The following FHOD3 variants were observed in gnomAD, a reference collection of about 807,000 sequenced individuals.
The protein encoded by FHOD3 is FH1/FH2 domain-containing protein 3.
FHOD3 carries 90 observed loss-of-function variants against 173.0 expected under a neutral mutation model. That is an observed-to-expected ratio of 0.52 (90% CI 0.44 to 0.62). FHOD3 has a LOEUF of 0.62. FHOD3 is among the 20% of genes least tolerant of loss of function. FHOD3 has a pLI of 0.00. For synonymous variants in FHOD3, 828 were observed against 823.0 expected (o/e 1.01, Z -0.10); for missense variants, 1,945 against 2,034.7 (o/e 0.96, Z 0.85).
chr18:36,767,329 T>C (rs1490455031), intron 27 of FHOD3, among the ~76,000 whole-genome samples: 1 of 151,992 alleles, frequency 6.6e-6, no homozygotes, highest in Non-Finnish European at 1.5e-5. Context: ...ACTGTATCAG[T>C]AATAACGGAA....
intron 17 of FHOD3, among the ~76,000 whole-genome samples, chr18:36,694,995 G>GTGTGTGCA (rs2039186316): frequency 6.6e-6 from 1 of 151,406 alleles, no homozygotes; most frequent in East Asian, 1.9e-4. Flanking sequence ...GTGTGTGTGT[G>GTGTGTGCA]TGCGTGTGTG....
At chr18:36,407,392 G>A (rs893567472) in intron 3 of FHOD3, among the ~76,000 whole-genome samples, 1 of 152,176 alleles carries the variant, frequency 6.6e-6, no homozygotes. Flanking sequence ...GCCGGTGCTT[G>A]TGAGCACTAA....
intron 1 of FHOD3, among the ~76,000 whole-genome samples, chr18:36,342,328 AT>A: frequency 6.6e-6 from 1 of 152,148 alleles, no homozygotes; most frequent in East Asian, 1.9e-4. Flanking sequence ...ATTTTCTAAA[AT>A]CAACAAATGA....
intron 1 of FHOD3, among the ~76,000 whole-genome samples, chr18:36,337,934 G>A (rs1482364946): frequency 6.6e-6 from 1 of 152,160 alleles, no homozygotes; most frequent in Non-Finnish European, 1.5e-5. Flanking sequence ...TTGGGTATCT[G>A]GGACTCTGAG....
At chr18:36,507,217 C>T (rs2055353608) in intron 4 of FHOD3, among the ~76,000 whole-genome samples, 1 of 152,242 alleles carries the variant, frequency 6.6e-6, no homozygotes, top group Admixed American at 6.5e-5. Context: ...TGATCACCCA[C>T]ATGGGTGGCT....
chr18:36,603,584 G>A (rs2148501119), intron 8 of FHOD3, among the ~76,000 whole-genome samples: 1 of 151,970 alleles, frequency 6.6e-6, no homozygotes, highest in Admixed American at 6.5e-5. Flanking sequence ...GCTCACTGCA[G>A]CCTCCACCTC....
chr18:36,548,788 C>T (rs1360996962), intron 5 of FHOD3, among the ~76,000 whole-genome samples: 2 of 152,196 alleles, frequency 1.3e-5, no homozygotes, highest in African/African-American at 4.8e-5. Context: ...GGTAGCTTTC[C>T]ATCATCTGGA....
chr18:36,584,102 AC>A (rs2058947148), intron 6 of FHOD3, among the ~76,000 whole-genome samples: 1 of 152,202 alleles, frequency 6.6e-6, no homozygotes. Context: ...TGCTAAGAAT[AC>A]AGGCGTGAGC....
At chr18:36,373,754 T>C (rs968605931) in intron 3 of FHOD3, among the ~76,000 whole-genome samples, 13 of 152,246 alleles carry the variant, frequency 8.5e-5, no homozygotes, top group Admixed American at 3.3e-4. Flanking sequence ...CCAGCCAATA[T>C]TGACTATTCT....
intron 14 of FHOD3, among the ~76,000 whole-genome samples, chr18:36,667,082 T>A (rs2149280762): frequency 6.6e-6 from 1 of 152,376 alleles, no homozygotes; most frequent in East Asian, 1.9e-4. Flanking sequence ...CTTCATGTTG[T>A]TGTGTGTTTC....
intron 3 of FHOD3, among the ~76,000 whole-genome samples, chr18:36,377,228 G>A (rs773837217): frequency 1.3e-5 from 2 of 152,228 alleles, no homozygotes; most frequent in Middle Eastern, 6.8e-3. Flanking sequence ...TTCTTCTTCA[G>A]CCTGTGAATC....
At chr18:36,347,218 T>C (rs888074001) in intron 1 of FHOD3, among the ~76,000 whole-genome samples, 3 of 152,260 alleles carry the variant, frequency 2.0e-5, no homozygotes, top group African/African-American at 7.2e-5. Flanking sequence ...AAAAGGTGCC[T>C]ATAGACATAA....
chr18:36,755,192 A>G lies in FHOD3; in HGVS notation c.4306A>G (p.Arg1436Gly), dbSNP rs752689233. 6.2e-7 allele frequency: 1 copy of G among 1,612,444 alleles called. No individual in the cohort carries two copies. The highest frequency in any genetic ancestry group is 8.5e-7 in the Non-Finnish European group (1 of 1,179,372). The change falls in exon 25 of 29, where the codon AGG (arginine) becomes GGG (glycine). Residue 1436 changes from arginine to glycine, a missense_variant. By Grantham distance (125) the Arg-to-Gly change is moderately radical. Transcript: ENST00000590592. ...IREVNINKFC[R>G]IISEFALEYR... ...GGAAGTGAACATAAACAAATTCTGC[A>G]GGATTATTAGTGAATTTGCACTAGA...
intron 1 of FHOD3, among the ~76,000 whole-genome samples, chr18:36,351,772 T>C (rs2046138062): frequency 6.6e-6 from 1 of 152,040 alleles, no homozygotes; most frequent in South Asian, 2.1e-4. Context: ...CCAGGGTGAG[T>C]GTCCAGAAAA....
intron 1 of FHOD3, among the ~76,000 whole-genome samples, chr18:36,329,633 G>A (rs1431410629): frequency 6.6e-6 from 1 of 152,190 alleles, no homozygotes; most frequent in Non-Finnish European, 1.5e-5. Context: ...ACTGGGGGAT[G>A]CAGAAAGAGG....
intron 5 of FHOD3, among the ~76,000 whole-genome samples, chr18:36,566,018 T>C (rs532648097): frequency 6.6e-6 from 1 of 152,352 alleles, no homozygotes; most frequent in South Asian, 2.1e-4. Flanking sequence ...CGGGATTATA[T>C]CTCTGTGCCC....
chr18:36,410,138 C>A (rs2049281441), intron 3 of FHOD3, among the ~76,000 whole-genome samples: 1 of 152,130 alleles, frequency 6.6e-6, no homozygotes, highest in Non-Finnish European at 1.5e-5. Context: ...AAAAAAAACA[C>A]CACACCTATT....
intron 1 of FHOD3, among the ~76,000 whole-genome samples, chr18:36,340,622 C>T (rs2045562557): frequency 6.9e-6 from 1 of 144,226 alleles, no homozygotes; most frequent in South Asian, 2.4e-4. Flanking sequence ...GCTGCTGCTG[C>T]TCAGTCTCCT....
rs149668988 is a variant in FHOD3, at chr18:36,675,693, G to A, written c.1836-5743G>A. Among the ~76,000 whole-genome samples the A allele has an allele frequency of 7.2e-3, 1,099 of 152,290 alleles. 11 individuals carry two copies. The highest frequency in any genetic ancestry group is 0.011 in the Non-Finnish European group (729 of 68,022). On this transcript the variant is annotated intron_variant, in intron 14 of 28. Coordinates refer to ENST00000590592, the MANE Select transcript of FHOD3 (RefSeq NM_001281740.3). ...ACCTTAGAGAATAGGCTGGGGGTCT[G>A]GGAGCACGGAGACTAGCATATACAT... is the stretch of plus-strand genomic sequence containing the variant.
Sources: gnomAD v4.1 joint callset for allele counts (sites outside exome capture counted in the v4.1 genomes callset) on GRCh38, gnomAD v4.1.1 for gene constraint, MANE v1.5 for transcripts, NCBI Gene and HGNC (gene_info 2026-07-23, HGNC 2026-07-21) for gene names.